Variants in ANXA3 observed in about 807,000 individuals in gnomAD.
The protein encoded by ANXA3 is annexin A3, also known as 35-alpha calcimedin.
In ANXA3, 46 loss-of-function variants were observed where a neutral mutation model predicts 48.8. The observed-to-expected ratio is 0.94, with a 90% CI of 0.74 to 1.21. ANXA3 has a LOEUF of 1.21. ANXA3 is among the 50% of genes most tolerant of loss of function. The pLI is 0.00. For synonymous variants in ANXA3, 128 were observed against 134.7 expected (o/e 0.95, Z 0.35); for missense variants, 383 against 378.6 (o/e 1.01, Z -0.10).
At chr4:78,563,877 G>T (rs897163528) in intron 2 of ANXA3, among the ~76,000 whole-genome samples, 18 of 152,072 alleles carry the variant, frequency 1.2e-4, no homozygotes, top group African/African-American at 4.3e-4. Context: ...GACGTCTCCC[G>T]CAGAAGTTAC....
At chr4:78,572,302 TG>T (rs1374284043) in intron 2 of ANXA3, among the ~76,000 whole-genome samples, 2 of 152,194 alleles carry the variant, frequency 1.3e-5, no homozygotes, top group Non-Finnish European at 2.9e-5. Context: ...TCCCTGTGTC[TG>T]GGGGGTAGAC....
intron 6 of ANXA3, among the ~76,000 whole-genome samples, chr4:78,587,429 AC>A (rs1156900306): frequency 6.6e-6 from 1 of 152,218 alleles, no homozygotes; most frequent in African/African-American, 2.4e-5. Flanking sequence ...ACAAGGACAC[AC>A]CTATGACTTG....
chr4:78,578,235 C>T (rs370342935), intron 3 of ANXA3, among the ~76,000 whole-genome samples: 137 of 148,536 alleles, frequency 9.2e-4, no homozygotes, highest in African/African-American at 3.0e-3. Context: ...GAGCCGAGAT[C>T]GTGCCATTGC....
At chr4:78,564,653 G>A (rs1035975661) in intron 2 of ANXA3, among the ~76,000 whole-genome samples, 1 of 152,198 alleles carries the variant, frequency 6.6e-6, no homozygotes, top group Non-Finnish European at 1.5e-5. Context: ...TGGAGAGGTG[G>A]CTGAGATGCA....
At chr4:78,573,339 T>C in intron 3 of ANXA3, 72 bp downstream of exon 3, 1 of 1,116,944 alleles carries the variant, frequency 9.0e-7, no homozygotes, top group Non-Finnish European at 1.3e-6. Context: ...AAAGTTCAGT[T>C]TGCTCAGATT....
intron 2 of ANXA3, among the ~76,000 whole-genome samples, chr4:78,557,455 A>G (rs1191273788): frequency 1.3e-5 from 2 of 152,202 alleles, no homozygotes; most frequent in South Asian, 4.1e-4. Flanking sequence ...ATGAAACACA[A>G]TACATTGACA....
intron 1 of ANXA3, 73 bp from the exon 2 acceptor site, chr4:78,554,363 T>G: frequency 9.4e-7 from 1 of 1,061,160 alleles, no homozygotes; most frequent in Non-Finnish European, 1.4e-6. Context: ...GATTCAAGAT[T>G]AAGGGTTGGA....
intron 2 of ANXA3, among the ~76,000 whole-genome samples, chr4:78,554,925 G>T (rs1378446368): frequency 6.6e-6 from 1 of 152,146 alleles, no homozygotes; most frequent in Non-Finnish European, 1.5e-5. Context: ...ATATGAATGG[G>T]CCGGGTGTGG....
intron 10 of ANXA3, among the ~76,000 whole-genome samples, chr4:78,600,818 C>G (rs1723519527): frequency 6.6e-6 from 1 of 152,130 alleles, no homozygotes; most frequent in African/African-American, 2.4e-5. Context: ...ACAGACTTTT[C>G]TATTCCTATT....
chr4:78,580,493 A>C (rs920614041), intron 4 of ANXA3, among the ~76,000 whole-genome samples: 1 of 152,214 alleles, frequency 6.6e-6, no homozygotes, highest in South Asian at 2.1e-4. Context: ...TAAGGGCTAC[A>C]GGGAACCACT....
Position 78,576,572 on chromosome 4 carries a change from T to G in ANXA3, c.104-2455T>G, listed in dbSNP as rs534650420. Among the ~76,000 whole-genome samples, 41 of 152,334 alleles carry G rather than the reference T, an allele frequency of 2.7e-4. No individual in the cohort carries two copies. In the South Asian group the frequency reaches 8.1e-3, roughly 30 times the overall value. On this transcript the variant is annotated intron_variant, in intron 3 of 12. Transcript: ENST00000264908. Reference sequence around the variant, plus strand: ...TTGTCCTCCCAAAGTCCTGGGATTATAGATGTGAGTCACTGCACCCAGCCT... The same window carrying G: ...TTGTCCTCCCAAAGTCCTGGGATTAGAGATGTGAGTCACTGCACCCAGCCT...
chr4:78,571,887 G>T lies in ANXA3; in HGVS notation c.16-1293G>T, dbSNP rs112864415. 9.3e-4 allele frequency among the ~76,000 whole-genome samples: 141 copies of T among 152,252 alleles called. 1 individual carries two copies. Among genetic ancestry groups the T allele is most frequent in the African/African-American group, 3.2e-3 (134 of 41,556 alleles). Reference sequence around the variant, plus strand: ...TTTTTACTTCCTTGCAATTCCTGAAGATCTATGATGTCAGTAGAGCTTTTA... The same window carrying T: ...TTTTTACTTCCTTGCAATTCCTGAATATCTATGATGTCAGTAGAGCTTTTA... On this transcript the variant is annotated intron_variant, in intron 2 of 12. Transcript: ENST00000264908.
chr4:78,552,557 A>G (rs1006438978), intron 1 of ANXA3, among the ~76,000 whole-genome samples: 4 of 149,736 alleles, frequency 2.7e-5, no homozygotes, highest in Non-Finnish European at 6.0e-5. Flanking sequence ...GAAGATTTGG[A>G]TACTTGATTG....
chr4:78,561,445 C>T (rs999782125), intron 2 of ANXA3, among the ~76,000 whole-genome samples: 9 of 152,170 alleles, frequency 5.9e-5, no homozygotes, highest in African/African-American at 2.2e-4. Context: ...GACACCAGCC[C>T]TGGGCATTTG....
chr4:78,554,462 A>G lies in ANXA3; in HGVS notation c.-12A>G. ...TTAGTGTGATCTCAGCTCAAGGCAAAGGTGGGATATCATGGCATCTATCTG... is the reference window on the plus strand; with the variant it reads ...TTAGTGTGATCTCAGCTCAAGGCAAGGGTGGGATATCATGGCATCTATCTG... On this transcript the variant is annotated 5_prime_UTR_variant, in exon 2 of 13. Coordinates refer to ENST00000264908, the MANE Select transcript of ANXA3 (RefSeq NM_005139.3). The G allele has an allele frequency of 1.2e-6, 2 of 1,612,324 alleles. No individual in the cohort carries two copies. The highest frequency in any genetic ancestry group is 1.7e-6 in the Non-Finnish European group (2 of 1,178,850).
intron 2 of ANXA3, among the ~76,000 whole-genome samples, chr4:78,564,597 G>C (rs1560441056): frequency 6.6e-6 from 1 of 152,216 alleles, no homozygotes; most frequent in Non-Finnish European, 1.5e-5. Context: ...TGGAGAGACA[G>C]ATATAAACAG....
At position 78,597,344 on chromosome 4, in the gene ANXA3, C is replaced by A; in HGVS notation, c.660C>A (p.Ser220Arg). 1 of 1,609,808 alleles carries A rather than the reference C, an allele frequency of 6.2e-7. No individual in the cohort carries two copies. Among genetic ancestry groups the A allele is most frequent in the Non-Finnish European group, 8.5e-7 (1 of 1,178,122 alleles). ...CATTTGATGAATACAGAAATATCAGCCAAAAGGACATTGTGGACAGCATAA... is the reference window on the plus strand; with the variant it reads ...CATTTGATGAATACAGAAATATCAGACAAAAGGACATTGTGGACAGCATAA... ...KLTFDEYRNI[S>R]QKDIVDSIKG... The change falls in exon 10 of 13, where the codon AGC (serine) becomes AGA (arginine). Residue 220 changes from serine to arginine, a missense_variant. Transcript: ENST00000264908.
At chr4:78,583,481 A>G (rs1307394424) in intron 5 of ANXA3, among the ~76,000 whole-genome samples, 2 of 143,112 alleles carry the variant, frequency 1.4e-5, no homozygotes, top group Non-Finnish European at 3.1e-5. Context: ...AAAATTAGCC[A>G]GGCATGGTGG....
intron 7 of ANXA3, among the ~76,000 whole-genome samples, chr4:78,592,539 A>G (rs13434871): frequency 0.04 from 6,147 of 152,300 alleles, 422 homozygotes; most frequent in African/African-American, 0.14. Context: ...CTAAGTGCAC[A>G]TCTGTTTGTG....
Sources: gnomAD v4.1 joint callset for allele counts (sites outside exome capture counted in the v4.1 genomes callset) on GRCh38, gnomAD v4.1.1 for gene constraint, MANE v1.5 for transcripts, NCBI Gene and HGNC (gene_info 2026-07-23, HGNC 2026-07-21) for gene names.